WDR72: variants seen among roughly 807,000 people sequenced by gnomAD.
WDR72 encodes WD repeat domain 72, also known as WD repeat-containing protein 72.
WDR72 carries 120 observed loss-of-function variants against 124.2 expected under a neutral mutation model. The observed-to-expected ratio is 0.97, with a 90% CI of 0.83 to 1.12. The LOEUF is 1.12. WDR72 is among the 50% of genes most tolerant of loss of function. The pLI, the probability that WDR72 is intolerant of heterozygous loss-of-function variation, is 0.00. For synonymous variants in WDR72, 452 were observed against 441.7 expected, an observed-to-expected ratio of 1.02 and a Z score of -0.29; for missense variants, 1,387 against 1,278.8, an observed-to-expected ratio of 1.08 and a Z score of -1.29.
chr15:53,565,047 A>G (rs540026107), intron 18 of WDR72, among the ~76,000 whole-genome samples: 8 of 151,918 alleles, frequency 5.3e-5, no homozygotes, highest in African/African-American at 1.9e-4. Flanking sequence ...GGTATACAGG[A>G]AAAAAACACT....
chr15:53,691,640 T>C (rs546424459), intron 13 of WDR72, among the ~76,000 whole-genome samples: 9,127 of 78,486 alleles, frequency 0.12, 352 homozygotes, highest in African/African-American at 0.18. Flanking sequence ...GATAGATAGA[T>C]AGATAGATAG....
chr15:53,556,454 TC>T (rs1013938484), intron 18 of WDR72, among the ~76,000 whole-genome samples: 13 of 152,074 alleles, frequency 8.5e-5, no homozygotes, highest in African/African-American at 3.1e-4. Context: ...GGTCTGGAAA[TC>T]AGCAGGGTGA....
At position 53,645,392 on chromosome 15, in the gene WDR72, C is replaced by G. The variant is rs1177794107; in HGVS notation, c.1962+20180G>C. Among the ~76,000 whole-genome samples, 5 of 152,136 alleles carry G rather than the reference C, an allele frequency of 3.3e-5. 1 individual carries two copies. The highest frequency in any genetic ancestry group is 5.9e-5 in the Non-Finnish European group (4 of 68,020). Reference sequence around the variant, plus strand: ...CAGATTTAAAGCGTATAATCTGACTCTGGCTAATGGACAAACTGCTCATTT... The same window carrying G: ...CAGATTTAAAGCGTATAATCTGACTGTGGCTAATGGACAAACTGCTCATTT... On this transcript the variant is annotated intron_variant, in intron 14 of 19. Transcript: ENST00000360509.
chr15:53,521,214 T>C (rs1287390951), intron 19 of WDR72, among the ~76,000 whole-genome samples: 1 of 152,152 alleles, frequency 6.6e-6, no homozygotes, highest in African/African-American at 2.4e-5. Flanking sequence ...AAGTGTTTGC[T>C]ATGAGCTTAT....
At chr15:53,523,523 G>A (rs895137569) in intron 18 of WDR72, among the ~76,000 whole-genome samples, 2 of 152,084 alleles carry the variant, frequency 1.3e-5, no homozygotes, top group African/African-American at 4.8e-5. Context: ...ATCTATAGAT[G>A]TGACTTTATC....
At chr15:53,676,191 CT>C (rs1434573513) in intron 13 of WDR72, among the ~76,000 whole-genome samples, 1 of 152,174 alleles carries the variant, frequency 6.6e-6, no homozygotes, top group Non-Finnish European at 1.5e-5. Context: ...TAGGACTGTC[CT>C]ACCTGACCAC....
intron 2 of WDR72, among the ~76,000 whole-genome samples, chr15:53,727,326 G>GT (rs1381891995): frequency 3.3e-5 from 5 of 151,448 alleles, no homozygotes; most frequent in Admixed American, 6.6e-5. Flanking sequence ...TATCTATTAT[G>GT]TTTTTTCTGA....
At chr15:53,698,176 C>G (rs1185276545) in intron 13 of WDR72, among the ~76,000 whole-genome samples, 1 of 152,186 alleles carries the variant, frequency 6.6e-6, no homozygotes, top group African/African-American at 2.4e-5. Flanking sequence ...CTTTGCTTTA[C>G]TTCCCACTCT....
chr15:53,671,996 CGA>C (rs979931965), intron 13 of WDR72, among the ~76,000 whole-genome samples: 14 of 145,506 alleles, frequency 9.6e-5, no homozygotes, highest in South Asian at 4.5e-4. Context: ...AGGGAGAGAG[CGA>C]GAGAGAGAGA....
chr15:53,626,483 C>G (rs1389479270), intron 14 of WDR72, among the ~76,000 whole-genome samples: 2 of 152,130 alleles, frequency 1.3e-5, no homozygotes, highest in Admixed American at 6.5e-5. Context: ...CAGTGGTGGA[C>G]GGCGAGCCAA....
Position 53,613,771 on chromosome 15 carries a change from G to C in WDR72, c.2781-14C>G, listed in dbSNP as rs1039155007. ...ATTCTGAAAGAACTGTTAGAAAAAA[G>C]ATTGACAGCATATTACTAAAAAGCA... On this transcript the variant is annotated splice_polypyrimidine_tract_variant and intron_variant, in intron 15 of 19. Coordinates refer to ENST00000360509, the MANE Select transcript of WDR72 (RefSeq NM_182758.4). 18 of 1,525,978 alleles carry C rather than the reference G, an allele frequency of 1.2e-5. No individual in the cohort carries two copies. Among genetic ancestry groups the C allele is most frequent in the Non-Finnish European group, 1.5e-5 (17 of 1,101,748 alleles). The allele number at this position is 1,525,978 out of a possible 1,614,324, so 94.5% of individuals were successfully genotyped here.
At chr15:53,682,330 T>G (rs1483965758) in intron 13 of WDR72, among the ~76,000 whole-genome samples, 1 of 151,560 alleles carries the variant, frequency 6.6e-6, no homozygotes, top group Non-Finnish European at 1.5e-5. Flanking sequence ...GAGGATGCAC[T>G]CATGTGTCTG....
At chr15:53,706,199 G>T in intron 9 of WDR72, 125 bp from the exon 10 acceptor site, 1 of 1,128,248 alleles carries the variant, frequency 8.9e-7, no homozygotes, top group Non-Finnish European at 1.3e-6. Flanking sequence ...CCACTCTTTT[G>T]ACATTTTCAA....
chr15:53,549,997 T>C (rs1260744366), intron 18 of WDR72, among the ~76,000 whole-genome samples: 2 of 152,140 alleles, frequency 1.3e-5, no homozygotes, highest in African/African-American at 4.8e-5. Flanking sequence ...GTGTCCCCTT[T>C]CATAATATAA....
chr15:53,639,774 G>C (rs532207478), intron 14 of WDR72, among the ~76,000 whole-genome samples: 1 of 151,796 alleles, frequency 6.6e-6, no homozygotes, highest in Non-Finnish European at 1.5e-5. Context: ...TTGTAGTCCT[G>C]AAGAAAGCTC....
intron 4 of WDR72, among the ~76,000 whole-genome samples, chr15:53,716,252 A>G (rs2017702356): frequency 6.6e-6 from 1 of 152,210 alleles, no homozygotes; most frequent in Non-Finnish European, 1.5e-5. Flanking sequence ...GAAATGAGGG[A>G]GAAAAAAACT....
chr15:53,612,328 A>T (rs2140362073), intron 16 of WDR72, among the ~76,000 whole-genome samples: 1 of 152,238 alleles, frequency 6.6e-6, no homozygotes, highest in East Asian at 1.9e-4. Flanking sequence ...GGCAGATGAG[A>T]TTTTTTAAAG....
rs2017373902 is a variant in WDR72 at position 53,706,373 on chromosome 15, T to TATATATATATACATATATATATATACAC, written c.955-300_955-299insGTGTATATATATATATGTATATATATAT. On this transcript the variant is annotated intron_variant, in intron 9 of 19. Coordinates refer to ENST00000360509, the MANE Select transcript of WDR72 (RefSeq NM_182758.4). ...GTGTATATATATATATATATATATA[T>TATATATATATACATATATATATATACAC]ATATATATATATATATATATATGGC... Among the ~76,000 whole-genome samples the TATATATATATACATATATATATATACAC allele has an allele frequency of 1.3e-4, 9 of 67,338 alleles. No individual in the cohort carries two copies. In the South Asian group the frequency reaches 4.2e-3, roughly 31 times the overall value. 44.2% of individuals were successfully genotyped at this position (67,338 alleles called of 152,430 possible).
At chr15:53,575,774 T>C (rs1352301984) in intron 18 of WDR72, among the ~76,000 whole-genome samples, 1 of 152,144 alleles carries the variant, frequency 6.6e-6, no homozygotes, top group Non-Finnish European at 1.5e-5. Context: ...CATAATTGAA[T>C]TAGTGTTAAC....
Sources: allele counts gnomAD v4.1 joint callset (sites outside exome capture counted in the v4.1 genomes callset), GRCh38; gene constraint gnomAD v4.1.1; transcripts MANE v1.5; gene names NCBI Gene and HGNC (gene_info 2026-07-23, HGNC 2026-07-21).